The following HS6ST3 variants were observed in gnomAD, a reference collection of about 807,000 sequenced individuals.
The protein encoded by HS6ST3 is heparan-sulfate 6-O-sulfotransferase 3.
In HS6ST3, 12 loss-of-function variants were observed where a neutral mutation model predicts 36.7. The ratio of observed to expected loss-of-function variants is 0.33; its 90% CI spans 0.21 to 0.53. The LOEUF is 0.53. Among genes scored for constraint, HS6ST3 ranks in the 20% least tolerant of loss-of-function variants. The pLI, the probability that HS6ST3 is intolerant of heterozygous loss-of-function variation, is 0.95. For synonymous variants in HS6ST3, 240 were observed against 257.5 expected (o/e 0.93, Z 0.65); for missense variants, 584 against 640.9 (o/e 0.91, Z 0.96).
chr13:96,546,690 G>T (rs1161866985), intron 1 of HS6ST3, among the ~76,000 whole-genome samples: 2 of 152,188 alleles, frequency 1.3e-5, no homozygotes, highest in African/African-American at 2.4e-5. Flanking sequence ...CATCGTAGGG[G>T]TGTGTTAAAA....
intron 1 of HS6ST3, among the ~76,000 whole-genome samples, chr13:96,736,262 A>G (rs1235056664): frequency 1.3e-5 from 2 of 152,180 alleles, no homozygotes; most frequent in African/African-American, 4.8e-5. Flanking sequence ...CAAGTGACCA[A>G]CAAAGAGAAG....
intron 1 of HS6ST3, among the ~76,000 whole-genome samples, chr13:96,417,800 T>C (rs1040462652): frequency 6.6e-6 from 1 of 151,542 alleles, no homozygotes; most frequent in African/African-American, 2.4e-5. Context: ...CGATGTTCTA[T>C]AAAGTTGCTG....
intron 1 of HS6ST3, among the ~76,000 whole-genome samples, chr13:96,556,130 T>C (rs1412388684): frequency 6.6e-6 from 1 of 152,182 alleles, no homozygotes; most frequent in Non-Finnish European, 1.5e-5. Flanking sequence ...ACCACTCTTA[T>C]TGCAGTGAAA....
intron 1 of HS6ST3, among the ~76,000 whole-genome samples, chr13:96,369,788 T>A (rs2055280849): frequency 6.6e-6 from 1 of 152,196 alleles, no homozygotes; most frequent in Non-Finnish European, 1.5e-5. Context: ...GGAAAAATGA[T>A]GAGGCTTTAA....
intron 1 of HS6ST3, among the ~76,000 whole-genome samples, chr13:96,144,917 G>A (rs2054049738): frequency 6.7e-6 from 1 of 150,146 alleles, no homozygotes. Flanking sequence ...TTGTCCTTGC[G>A]ATAGTTTGCT....
At chr13:96,180,166 G>A (rs189104779) in intron 1 of HS6ST3, among the ~76,000 whole-genome samples, 59 of 152,152 alleles carry the variant, frequency 3.9e-4, no homozygotes, top group African/African-American at 1.4e-3. Context: ...GCAATTGTGT[G>A]ATTTCCCAAC....
intron 1 of HS6ST3, among the ~76,000 whole-genome samples, chr13:96,351,121 G>A (rs1296947422): frequency 1.3e-5 from 2 of 151,842 alleles, no homozygotes; most frequent in East Asian, 1.9e-4. Flanking sequence ...AATTATATTG[G>A]TTAAAGGTCA....
At chr13:96,702,791 A>C (rs1395940998) in intron 1 of HS6ST3, among the ~76,000 whole-genome samples, 1 of 152,240 alleles carries the variant, frequency 6.6e-6, no homozygotes, top group African/African-American at 2.4e-5. Context: ...CTTAGTATGT[A>C]AGTTCACAAG....
At chr13:96,380,625 A>C (rs894039832) in intron 1 of HS6ST3, among the ~76,000 whole-genome samples, 7 of 152,318 alleles carry the variant, frequency 4.6e-5, no homozygotes, top group Admixed American at 4.6e-4. Flanking sequence ...CTACTTTATC[A>C]GTTTGTATAA....
intron 1 of HS6ST3, among the ~76,000 whole-genome samples, chr13:96,756,444 G>A (rs939762819): frequency 3.3e-5 from 5 of 151,934 alleles, no homozygotes; most frequent in Admixed American, 3.3e-4. Flanking sequence ...TAGGGTTGTG[G>A]GAATATTCTC....
intron 1 of HS6ST3, among the ~76,000 whole-genome samples, chr13:96,677,788 A>T (rs1434396887): frequency 6.6e-6 from 1 of 152,158 alleles, no homozygotes. Context: ...AATTTGCATC[A>T]TCCTAGACTC....
intron 1 of HS6ST3, among the ~76,000 whole-genome samples, chr13:96,147,329 C>T (rs1283667495): frequency 4.6e-5 from 7 of 152,198 alleles, no homozygotes; most frequent in Non-Finnish European, 8.8e-5. Context: ...CCTTTGACCA[C>T]CTCATTAACT....
intron 1 of HS6ST3, among the ~76,000 whole-genome samples, chr13:96,690,231 G>A (rs1419414892): frequency 6.6e-6 from 1 of 152,104 alleles, no homozygotes; most frequent in Admixed American, 6.6e-5. Context: ...ACTGGACAGA[G>A]AATTGATGGA....
rs189905488 is a variant in HS6ST3, at chr13:96,728,379, C to T, written c.708-104111C>T. Among the ~76,000 whole-genome samples the T allele has an allele frequency of 3.9e-3, 592 of 152,202 alleles. 2 individuals are homozygous for T. Among genetic ancestry groups the T allele is most frequent in the Non-Finnish European group, 6.8e-3 (462 of 68,006 alleles). On this transcript the variant is annotated intron_variant, in intron 1 of 1. Transcript: ENST00000376705. ...AGGTCTTATAGATTAGGGCAGTTTC[C>T]ATGGTATCATTCTGTCTCCCTAAAA...
At chr13:96,665,726 G>A (rs2056661500) in intron 1 of HS6ST3, among the ~76,000 whole-genome samples, 1 of 152,092 alleles carries the variant, frequency 6.6e-6, no homozygotes, top group Non-Finnish European at 1.5e-5. Context: ...GTGATCATGA[G>A]CATTAAGTAA....
chr13:96,333,067 T>C (rs2055080523), intron 1 of HS6ST3, among the ~76,000 whole-genome samples: 1 of 152,204 alleles, frequency 6.6e-6, no homozygotes, highest in Non-Finnish European at 1.5e-5. Context: ...CTGTGAGAAA[T>C]AAGTTTCTGT....
At chr13:96,496,958 G>A (rs999238584) in intron 1 of HS6ST3, among the ~76,000 whole-genome samples, 3 of 152,076 alleles carry the variant, frequency 2.0e-5, no homozygotes, top group Admixed American at 6.5e-5. Flanking sequence ...GTGCTGCCCC[G>A]GTGGTGGTGC....
chr13:96,240,729 T>A (rs2054555858), intron 1 of HS6ST3, among the ~76,000 whole-genome samples: 1 of 152,302 alleles, frequency 6.6e-6, no homozygotes, highest in East Asian at 1.9e-4. Context: ...AACTTGTACT[T>A]TATCCTAAAC....
At chr13:96,493,937 A>G (rs1381256867) in intron 1 of HS6ST3, among the ~76,000 whole-genome samples, 2 of 152,208 alleles carry the variant, frequency 1.3e-5, no homozygotes, top group Admixed American at 6.5e-5. Context: ...GATCTCATGC[A>G]TGGTCATTAT....
Sources: gnomAD v4.1 joint callset for allele counts (sites outside exome capture counted in the v4.1 genomes callset) on GRCh38, gnomAD v4.1.1 for gene constraint, MANE v1.5 for transcripts, NCBI Gene and HGNC (gene_info 2026-07-23, HGNC 2026-07-21) for gene names.